Variants in ITPR2 observed in about 807,000 individuals in gnomAD.
ITPR2 encodes inositol 1,4,5-trisphosphate-gated calcium channel ITPR2.
Under a neutral mutation model 317.1 loss-of-function variants are expected in ITPR2, and 207 were observed. That is an observed-to-expected ratio of 0.65 (90% CI 0.58 to 0.73). ITPR2 has a LOEUF of 0.73. Ranked by LOEUF, ITPR2 falls within the 30% of genes least tolerant of loss-of-function variation. ITPR2 has a pLI of 0.00. For missense variants in ITPR2, 2,613 were observed against 3,284.0 expected (o/e 0.80, Z 4.99); for synonymous variants, 1,156 against 1,149.1 (o/e 1.01, Z -0.12).
At chr12:26,533,208 G>T (rs80034819) in intron 37 of ITPR2, among the ~76,000 whole-genome samples, 4,754 of 152,132 alleles carry the variant, frequency 0.031, 188 homozygotes, top group African/African-American at 0.087. Context: ...ATGATGTTTT[G>T]ACTTTCTGCT....
intron 52 of ITPR2, among the ~76,000 whole-genome samples, chr12:26,401,584 T>C (rs1045571085): frequency 1.3e-5 from 2 of 152,194 alleles, no homozygotes; most frequent in Admixed American, 1.3e-4. Flanking sequence ...TTCCTAACAC[T>C]GGCAAATGAC....
At chr12:26,822,454 G>T (rs978865391) in intron 1 of ITPR2, among the ~76,000 whole-genome samples, 2 of 152,126 alleles carry the variant, frequency 1.3e-5, no homozygotes, top group African/African-American at 2.4e-5. Flanking sequence ...ACTCGTGTAT[G>T]TGTGTGCTAT....
At chr12:26,382,908 T>C (rs912879028) in intron 55 of ITPR2, among the ~76,000 whole-genome samples, 5 of 152,198 alleles carry the variant, frequency 3.3e-5, no homozygotes, top group Non-Finnish European at 7.3e-5. Flanking sequence ...TTCTCTATTA[T>C]CTGAATTTTA....
At position 26,605,126 on chromosome 12, in the gene ITPR2, A is replaced by AAAAAAAATATATATATATATATATAT. The variant is rs1555165395; in HGVS notation, c.3463-2421_3463-2420insATATATATATATATATATATTTTTTT. Among the ~76,000 whole-genome samples the AAAAAAAATATATATATATATATATAT allele has an allele frequency of 2.5e-3, 343 of 136,162 alleles. 3 individuals are homozygous for AAAAAAAATATATATATATATATATAT. Among genetic ancestry groups the AAAAAAAATATATATATATATATATAT allele is most frequent in the South Asian group, 6.2e-3 (26 of 4,208 alleles). 89.3% of individuals were successfully genotyped at this position (136,162 alleles called of 152,430 possible). A position where few individuals can be genotyped will look rare whatever the true frequency, so the allele number is the denominator to read the frequency against. On this transcript the variant is annotated intron_variant, in intron 26 of 56. Transcript: ENST00000381340. ...ATAAAAATAAAAAATAAAAAATAAA[A>AAAAAAAATATATATATATATATATAT]ATATATATATATATATGAGAAAGTG...
chr12:26,560,802 C>T (rs1011826023), intron 35 of ITPR2, among the ~76,000 whole-genome samples: 3 of 152,128 alleles, frequency 2.0e-5, no homozygotes, highest in Non-Finnish European at 1.5e-5. Flanking sequence ...CTTCTAATCC[C>T]GTATAACACT....
chr12:26,528,734 T>G (rs1943872106), intron 37 of ITPR2, among the ~76,000 whole-genome samples: 1 of 152,302 alleles, frequency 6.6e-6, no homozygotes, highest in African/African-American at 2.4e-5. Context: ...TGGATTTTGG[T>G]ATTTGTTTGA....
intron 55 of ITPR2, among the ~76,000 whole-genome samples, chr12:26,348,699 AAC>A (rs1417385145): frequency 6.6e-6 from 1 of 152,182 alleles, no homozygotes; most frequent in African/African-American, 2.4e-5. Context: ...TTGAAATTAA[AAC>A]ACTAAGGCTA....
At chr12:26,363,768 G>GA (rs897767491) in intron 55 of ITPR2, among the ~76,000 whole-genome samples, 19 of 144,238 alleles carry the variant, frequency 1.3e-4, no homozygotes, top group Admixed American at 4.1e-4. Context: ...GAACTTAAAA[G>GA]AAAAAAAAAA....
intron 29 of ITPR2, 142 bp downstream of exon 29, chr12:26,599,845 G>C (rs1945951362): frequency 3.6e-6 from 2 of 562,760 alleles, no homozygotes; most frequent in Admixed American, 3.4e-5. Context: ...AAAAAAAAAA[G>C]ATATTCACTT....
intron 2 of ITPR2, among the ~76,000 whole-genome samples, chr12:26,760,755 G>C (rs1949617339): frequency 2.6e-5 from 4 of 152,170 alleles, no homozygotes; most frequent in Admixed American, 2.6e-4. Context: ...GAGTATGATA[G>C]TTTCCTATTA....
intron 45 of ITPR2, among the ~76,000 whole-genome samples, chr12:26,457,371 G>A (rs1223122088): frequency 1.3e-5 from 2 of 152,172 alleles, no homozygotes; most frequent in Admixed American, 1.3e-4. Flanking sequence ...CCAGAGAGAG[G>A]GGAGATGGGG....
intron 22 of ITPR2, among the ~76,000 whole-genome samples, chr12:26,628,718 G>A (rs112404405): frequency 3.9e-5 from 6 of 152,126 alleles, no homozygotes; most frequent in East Asian, 1.9e-4. Flanking sequence ...ATGGATGCAC[G>A]GACAGAAACT....
chr12:26,563,351 C>G (rs1185836616), intron 34 of ITPR2, among the ~76,000 whole-genome samples: 8 of 152,180 alleles, frequency 5.3e-5, no homozygotes, highest in Admixed American at 1.3e-4. Context: ...GCAGGCGGAT[C>G]ACAAGGTCAG....
chr12:26,643,289 AAT>A (rs1296747719), intron 21 of ITPR2, among the ~76,000 whole-genome samples: 2 of 152,240 alleles, frequency 1.3e-5, no homozygotes, highest in African/African-American at 4.8e-5. Flanking sequence ...TAGCAGTCCA[AAT>A]AGTCTAAGAC....
chr12:26,492,455 CCA>C (rs1491428332), intron 39 of ITPR2, among the ~76,000 whole-genome samples: 1 of 94,732 alleles, frequency 1.1e-5, no homozygotes, highest in African/African-American at 3.0e-5. Context: ...GAGATGCCCC[CCA>C]CCAAAAAAAA....
intron 2 of ITPR2, among the ~76,000 whole-genome samples, chr12:26,765,830 A>G (rs1410597500): frequency 1.3e-5 from 2 of 152,174 alleles, no homozygotes; most frequent in Middle Eastern, 6.8e-3. Context: ...GGCAATCATT[A>G]ATCTAATTTC....
chr12:26,739,779 TA>T, intron 2 of ITPR2, among the ~76,000 whole-genome samples: 1 of 152,360 alleles, frequency 6.6e-6, no homozygotes, highest in African/African-American at 2.4e-5. Flanking sequence ...GAGTAAATTT[TA>T]TGGTATATAA....
At chr12:26,813,541 T>C (rs1342848068) in intron 1 of ITPR2, among the ~76,000 whole-genome samples, 1 of 152,232 alleles carries the variant, frequency 6.6e-6, no homozygotes, top group East Asian at 1.9e-4. Flanking sequence ...CCTCCCTTTT[T>C]AAATCTCGTA....
In ITPR2 at chr12:26,724,642, G is replaced by A. The variant is rs1948890038; in HGVS notation, c.366+14C>T. 1 of 1,488,248 alleles carries A rather than the reference G, an allele frequency of 6.7e-7. No individual in the cohort carries two copies. The highest frequency in any genetic ancestry group is 1.2e-5 in the South Asian group (1 of 86,920). The allele number at this position is 1,488,248 out of a possible 1,614,324, so 92.2% of individuals were successfully genotyped here. On this transcript the variant is annotated intron_variant, in intron 4 of 56. Coordinates refer to ENST00000381340, the MANE Select transcript of ITPR2 (RefSeq NM_002223.4). The stretch of plus-strand genomic sequence containing the variant: ...CACATAAAATACTCACCTCGTTTAA[G>A]AGAAAATACTTACTTGTATAACATT...
Sources: allele counts gnomAD v4.1 joint callset (sites outside exome capture counted in the v4.1 genomes callset), GRCh38; gene constraint gnomAD v4.1.1; transcripts MANE v1.5; gene names NCBI Gene and HGNC (gene_info 2026-07-23, HGNC 2026-07-21).